PLEKHA5: variants seen among roughly 807,000 people sequenced by gnomAD.
The protein encoded by PLEKHA5 is pleckstrin homology domain containing A5.
PLEKHA5 carries 55 observed loss-of-function variants against 181.9 expected under a neutral mutation model. The observed-to-expected ratio is 0.30, with a 90% CI of 0.24 to 0.38. The LOEUF (loss-of-function observed/expected upper bound fraction) is 0.38. PLEKHA5 is among the 10% of genes least tolerant of loss of function. PLEKHA5 has a pLI of 1.00. For synonymous variants in PLEKHA5, 535 were observed against 529.4 expected, an observed-to-expected ratio of 1.01 and a Z score of -0.15; for missense variants, 1,432 against 1,549.5, an observed-to-expected ratio of 0.92 and a Z score of 1.27.
At chr12:19,284,326 C>T (rs147201385) in intron 12 of PLEKHA5, among the ~76,000 whole-genome samples, 2 of 152,256 alleles carry the variant, frequency 1.3e-5, no homozygotes, top group East Asian at 3.9e-4. Flanking sequence ...GCCTCAGCCT[C>T]CCAAAGTGCT....
At chr12:19,198,724 ATC>A (rs2053527768) in intron 3 of PLEKHA5, among the ~76,000 whole-genome samples, 1 of 145,606 alleles carries the variant, frequency 6.9e-6, no homozygotes, top group Non-Finnish European at 1.5e-5. Flanking sequence ...GATATTAACT[ATC>A]TGATTAACAA....
chr12:19,176,234 CCTCTGT>C (rs1264393471), intron 3 of PLEKHA5: 2 of 149,160 alleles, frequency 1.3e-5, no homozygotes, highest in African/African-American at 5.0e-5. Flanking sequence ...TTCCTCCCTC[CCTCTGT>C]CTCTATTATT....
intron 10 of PLEKHA5, 47 bp downstream of exon 10, chr12:19,270,252 C>T: frequency 9.5e-7 from 1 of 1,049,516 alleles, no homozygotes; most frequent in Non-Finnish European, 1.3e-6. Context: ...AGATTTTTAT[C>T]CTTTGAGATA....
At position 19,348,497 on chromosome 12, in the gene PLEKHA5, GAT is replaced by G; in HGVS notation, c.2999_3000del (p.Ile1000ArgfsTer6). ...GEEKSEPVSEIETSVVKGSHF... is the reference protein window; with the variant it reads ...GEEKSEPVSEXETSVVKGSHF... ...AAGAAAAATCAGAACCTGTTTCAGAGATAGAAACTTCAGTTGTTAAAGGTCAG... is the reference window on the plus strand; with the variant it reads ...AAGAAAAATCAGAACCTGTTTCAGAGAGAAACTTCAGTTGTTAAAGGTCAG... On this transcript the variant is annotated frameshift_variant, in exon 25 of 32. Coordinates refer to ENST00000429027, the MANE Select transcript of PLEKHA5 (RefSeq NM_001256470.2). LOFTEE classifies it high-confidence loss of function. 6.3e-7 allele frequency: 1 copy of G among 1,575,256 alleles called. No individual in the cohort carries two copies. The highest frequency in any genetic ancestry group is 8.6e-7 in the Non-Finnish European group (1 of 1,168,212).
At chr12:19,176,997 A>G (rs1344617124) in intron 3 of PLEKHA5, among the ~76,000 whole-genome samples, 2 of 151,906 alleles carry the variant, frequency 1.3e-5, no homozygotes, top group Non-Finnish European at 2.9e-5. Context: ...CCTCCTGAGT[A>G]GCTGGGATTA....
chr12:19,150,971 C>A (rs1273216837), intron 3 of PLEKHA5: 4 of 152,118 alleles, frequency 2.6e-5, no homozygotes, highest in Non-Finnish European at 5.9e-5. Context: ...CAGAGAACTC[C>A]CACAGGGAAG....
At chr12:19,341,943 G>T (rs11044504) in intron 21 of PLEKHA5, among the ~76,000 whole-genome samples, 1 of 152,068 alleles carries the variant, frequency 6.6e-6, no homozygotes, top group East Asian at 1.9e-4. Flanking sequence ...GTGTTGCCCA[G>T]GCAGGTCTTG....
chr12:19,141,120 A>G (rs1185184115), intron 3 of PLEKHA5, among the ~76,000 whole-genome samples: 2 of 152,038 alleles, frequency 1.3e-5, no homozygotes, highest in African/African-American at 4.8e-5. Context: ...TGATTTCAAG[A>G]GTGATGCAAG....
intron 16 of PLEKHA5, among the ~76,000 whole-genome samples, chr12:19,317,394 C>T (rs2089256270): frequency 6.6e-6 from 1 of 151,360 alleles, no homozygotes; most frequent in South Asian, 2.1e-4. Context: ...TTCTACACCA[C>T]CTTTCACAGT....
At position 19,255,056 on chromosome 12, in the gene PLEKHA5, C is replaced by G. The variant is rs765969357; in HGVS notation, c.323C>G (p.Thr108Ser). The part of the protein sequence containing the change: ...IFVVNEQTVA[T>S]MTSEEKKERP... ...ACATATATTTTCAGGACTGTTGCAA[C>G]CATGACATCTGAAGAAAAGAAGGAA... The change falls in exon 5 of 32, where the codon ACC becomes AGC. Residue 108 changes from threonine (T) to serine (S), a missense_variant. Thr to Ser is a moderately conservative substitution (Grantham distance 58). This residue lies in a region of PLEKHA5 where 289 missense variants were observed against 381.1 expected (regional missense o/e 0.76). Transcript: ENST00000429027. 2 of 1,603,128 alleles carry G rather than the reference C, an allele frequency of 1.2e-6. No individual in the cohort carries two copies. The highest frequency in any genetic ancestry group is 1.7e-6 in the Non-Finnish European group (2 of 1,173,004).
chr12:19,203,836 AT>A (rs2054760666), intron 3 of PLEKHA5, among the ~76,000 whole-genome samples: 1 of 101,246 alleles, frequency 9.9e-6, no homozygotes, highest in African/African-American at 3.1e-5. Context: ...ATACTTAGAG[AT>A]CACAGTTAGA....
intron 29 of PLEKHA5, 121 bp from the exon 30 acceptor site, chr12:19,365,843 A>T (rs2095409446): frequency 3.2e-6 from 2 of 621,650 alleles, no homozygotes; most frequent in Admixed American, 3.5e-5. Flanking sequence ...GAAAGAAAAG[A>T]TTAATTGTAA....
intron 3 of PLEKHA5, among the ~76,000 whole-genome samples, chr12:19,215,014 C>T (rs935760846): frequency 6.6e-6 from 1 of 151,912 alleles, no homozygotes. Flanking sequence ...CCCGTTTCTA[C>T]TAAAAATAAA....
chr12:19,238,880 C>G (rs554280173), intron 3 of PLEKHA5, among the ~76,000 whole-genome samples: 49 of 149,116 alleles, frequency 3.3e-4, no homozygotes, highest in African/African-American at 1.1e-3. Context: ...AAGTTTTACT[C>G]AAGAATAAAG....
At chr12:19,278,460 A>G (rs908524283) in intron 11 of PLEKHA5, among the ~76,000 whole-genome samples, 1 of 152,172 alleles carries the variant, frequency 6.6e-6, no homozygotes, top group Non-Finnish European at 1.5e-5. Context: ...TGTTTCTATG[A>G]TATAGCTCAG....
intron 3 of PLEKHA5, among the ~76,000 whole-genome samples, chr12:19,227,282 A>G (rs1378462998): frequency 1.4e-5 from 2 of 140,254 alleles, no homozygotes; most frequent in African/African-American, 2.6e-5. Context: ...TGTTCTAGTG[A>G]TTTCTTTTTT....
At chr12:19,307,411 G>A in intron 15 of PLEKHA5, 1 of 262,920 alleles carries the variant, frequency 3.8e-6, no homozygotes, top group Non-Finnish European at 7.4e-6. Context: ...GGCGGAGGTT[G>A]CAGTGAGCCG....
intron 13 of PLEKHA5, chr12:19,287,933 C>T: frequency 4.4e-6 from 1 of 224,864 alleles, no homozygotes; most frequent in Non-Finnish European, 8.7e-6. Flanking sequence ...ACAAAATTAG[C>T]CGGGCATGGT....
chr12:19,169,812 T>A (rs927750791), intron 3 of PLEKHA5, among the ~76,000 whole-genome samples: 1 of 152,216 alleles, frequency 6.6e-6, no homozygotes, highest in Non-Finnish European at 1.5e-5. Flanking sequence ...GGATTGAGCA[T>A]CTTTCTGGGC....
Sources: gnomAD v4.1 joint callset for allele counts (sites outside exome capture counted in the v4.1 genomes callset) on GRCh38, gnomAD v4.1.1 for gene constraint, gnomAD v4.1.1 regional missense constraint, MANE v1.5 for transcripts, NCBI Gene and HGNC (gene_info 2026-07-23, HGNC 2026-07-21) for gene names.